Variants in FAM174A observed in about 807,000 individuals in gnomAD.
FAM174A encodes the protein family with sequence similarity 174 member A.
Under a neutral mutation model 14.3 loss-of-function variants are expected in FAM174A, and 14 were observed. The ratio of observed to expected loss-of-function variants is 0.98; its 90% confidence interval spans 0.65 to 1.53. The LOEUF (loss-of-function observed/expected upper bound fraction) is 1.53, where lower values mean the gene tolerates loss of function less well. FAM174A is among the 40% of genes most tolerant of loss of function. The pLI, the probability that FAM174A is intolerant of heterozygous loss-of-function variation, is 0.00. For synonymous variants in FAM174A, 108 were observed against 111.4 expected (o/e 0.97, Z 0.19); for missense variants, 241 against 249.6 (o/e 0.97, Z 0.23).
At chr5:100,540,118 G>T (rs909886115) in intron 1 of FAM174A, among the ~76,000 whole-genome samples, 2 of 152,116 alleles carry the variant, frequency 1.3e-5, no homozygotes, top group East Asian at 3.8e-4. Flanking sequence ...TTATGCATGT[G>T]ACTTTAATCA....
chr5:100,572,200 T>G (rs561478365), intron 2 of FAM174A, among the ~76,000 whole-genome samples: 1 of 129,062 alleles, frequency 7.7e-6, no homozygotes, highest in African/African-American at 2.9e-5. Context: ...TTGATTCAAG[T>G]AAAGGTTTTT....
chr5:100,556,326 G>A (rs1426787098), intron 1 of FAM174A, among the ~76,000 whole-genome samples: 1 of 152,174 alleles, frequency 6.6e-6, no homozygotes, highest in African/African-American at 2.4e-5. Context: ...TCAGTACCAT[G>A]CTGTTTTGGT....
At chr5:100,540,680 A>G (rs961672246) in intron 1 of FAM174A, among the ~76,000 whole-genome samples, 1 of 152,182 alleles carries the variant, frequency 6.6e-6, no homozygotes, top group Non-Finnish European at 1.5e-5. Context: ...GTGCCAAAAT[A>G]CCAAGATGAT....
chr5:100,536,769 T>G (rs1382405829), intron 1 of FAM174A, among the ~76,000 whole-genome samples: 1 of 152,248 alleles, frequency 6.6e-6, no homozygotes, highest in African/African-American at 2.4e-5. Flanking sequence ...AAATACCCTC[T>G]GTATTGTAAT....
intron 1 of FAM174A, among the ~76,000 whole-genome samples, chr5:100,548,875 A>G (rs1273735013): frequency 6.6e-6 from 1 of 152,122 alleles, no homozygotes; most frequent in East Asian, 1.9e-4. Context: ...TCTGTCTCAT[A>G]AACTATTAAT....
intron 1 of FAM174A, 78 bp from the exon 2 acceptor site, chr5:100,561,973 GAAT>G: frequency 7.4e-6 from 6 of 809,266 alleles, no homozygotes; most frequent in Non-Finnish European, 1.1e-5. Flanking sequence ...GTCAGAAACA[GAAT>G]AATAATTTAT....
intron 1 of FAM174A, among the ~76,000 whole-genome samples, chr5:100,559,891 G>A (rs1317519901): frequency 5.9e-5 from 9 of 151,978 alleles, no homozygotes; most frequent in African/African-American, 2.2e-4. Flanking sequence ...CCATGGGTTC[G>A]AACTTCCTCC....
At chr5:100,564,336 CAAAAA>C (rs35523732) in intron 2 of FAM174A, among the ~76,000 whole-genome samples, 1 of 145,574 alleles carries the variant, frequency 6.9e-6, no homozygotes, top group African/African-American at 2.5e-5. Flanking sequence ...TATTTTGAGA[CAAAAA>C]AAAAATGGCA....
rs1561326810 is a variant in FAM174A, at chr5:100,586,275, T to G, written c.*91T>G. On this transcript the variant is annotated 3_prime_UTR_variant, in exon 3 of 3. Coordinates refer to ENST00000312637, the MANE Select transcript of FAM174A (RefSeq NM_198507.3). ...GAATAAGAAGCCACTATATCAATGT[T>G]GGGGGGGTATTTAAGTTACATATAT... 6 of 832,490 alleles carry G rather than the reference T, an allele frequency of 7.2e-6. No individual in the cohort carries two copies. Among genetic ancestry groups the G allele is most frequent in the African/African-American group, 1.8e-5 (1 of 56,692 alleles). The allele number at this position is 832,490 out of a possible 1,614,324, so 51.6% of individuals were successfully genotyped here.
chr5:100,580,375 AT>A (rs1401938391), intron 2 of FAM174A, among the ~76,000 whole-genome samples: 2 of 152,210 alleles, frequency 1.3e-5, no homozygotes, highest in Non-Finnish European at 2.9e-5. Flanking sequence ...ATGTATGGGA[AT>A]TTACTAAGTA....
intron 1 of FAM174A, among the ~76,000 whole-genome samples, chr5:100,547,649 G>A (rs962726858): frequency 6.6e-6 from 1 of 151,980 alleles, no homozygotes; most frequent in African/African-American, 2.4e-5. Flanking sequence ...CAAAGTGGAC[G>A]GATTGCTGAT....
chr5:100,554,810 A>G (rs963576734), intron 1 of FAM174A, among the ~76,000 whole-genome samples: 1 of 152,052 alleles, frequency 6.6e-6, no homozygotes, highest in Non-Finnish European at 1.5e-5. Flanking sequence ...TCATCCATCT[A>G]TATATTTTTA....
intron 2 of FAM174A, among the ~76,000 whole-genome samples, chr5:100,579,420 T>TA (rs1293932131): frequency 3.9e-5 from 6 of 152,056 alleles, no homozygotes; most frequent in Non-Finnish European, 8.8e-5. Flanking sequence ...TGAAATTATG[T>TA]AGCGATTTTT....
At chr5:100,571,672 GTA>G (rs529767869) in intron 2 of FAM174A, among the ~76,000 whole-genome samples, 273 of 136,590 alleles carry the variant, frequency 2.0e-3, no homozygotes, top group East Asian at 5.6e-3. Flanking sequence ...GTGTGTGTGT[GTA>G]TATATATATA....
In FAM174A at chr5:100,555,085, C is replaced by T. The variant is rs1165443250; in HGVS notation, c.435-6969C>T. Among the ~76,000 whole-genome samples, 115 of 152,054 alleles carry T rather than the reference C, an allele frequency of 7.6e-4. 1 individual carries two copies. The highest frequency in any genetic ancestry group is 7.6e-4 in the Non-Finnish European group (52 of 67,984). On this transcript the variant is annotated intron_variant, in intron 1 of 2. Transcript: ENST00000312637. ...TAATGCTATCCCTCCCCCCTACCCC[C>T]ACCCCACAACAGGCCCCGGTGTGTG...
chr5:100,552,309 T>C (rs191458022), intron 1 of FAM174A, among the ~76,000 whole-genome samples: 1 of 152,056 alleles, frequency 6.6e-6, no homozygotes, highest in Non-Finnish European at 1.5e-5. Flanking sequence ...AAGAAAAAAA[T>C]TTTATTTTAG....
At chr5:100,584,710 C>CA (rs375983185) in intron 2 of FAM174A, among the ~76,000 whole-genome samples, 9 of 151,606 alleles carry the variant, frequency 5.9e-5, no homozygotes, top group Admixed American at 1.3e-4. Context: ...AAAGTTATTT[C>CA]AAAAAAAATG....
At chr5:100,558,490 C>A (rs992110835) in intron 1 of FAM174A, among the ~76,000 whole-genome samples, 1 of 152,064 alleles carries the variant, frequency 6.6e-6, no homozygotes, top group South Asian at 2.1e-4. Context: ...TCCTGGATAT[C>A]CTTTTTAACT....
At chr5:100,571,149 T>C (rs1746770434) in intron 2 of FAM174A, among the ~76,000 whole-genome samples, 1 of 123,630 alleles carries the variant, frequency 8.1e-6, no homozygotes, top group African/African-American at 3.1e-5. Context: ...TATATATGTG[T>C]GTGTATATAT....
Sources: gnomAD v4.1 joint callset for allele counts (sites outside exome capture counted in the v4.1 genomes callset) on GRCh38, gnomAD v4.1.1 for gene constraint, MANE v1.5 for transcripts, NCBI Gene and HGNC (gene_info 2026-07-23, HGNC 2026-07-21) for gene names.